PLCL1: variants seen among roughly 807,000 people sequenced by gnomAD.
PLCL1 encodes phospholipase C like 1 (inactive), also known as inactive phospholipase C-like protein 1.
In PLCL1, 41 loss-of-function variants were observed where a neutral mutation model predicts 84.4. The ratio of observed to expected loss-of-function variants is 0.49; its 90% CI spans 0.38 to 0.63. The LOEUF (loss-of-function observed/expected upper bound fraction) is 0.63. Among genes scored for constraint, PLCL1 ranks in the 30% least tolerant of loss-of-function variants. The pLI is 0.00. For synonymous variants in PLCL1, 490 were observed against 488.3 expected, an observed-to-expected ratio of 1.00 and a Z score of -0.05; for missense variants, 1,206 against 1,367.8, an observed-to-expected ratio of 0.88 and a Z score of 1.87.
chr2:197,953,461 A>G (rs1368276569), intron 1 of PLCL1, among the ~76,000 whole-genome samples: 4 of 152,042 alleles, frequency 2.6e-5, no homozygotes, highest in African/African-American at 4.8e-5. Context: ...ACCAAGAATC[A>G]CTAAATGATG....
intron 1 of PLCL1, among the ~76,000 whole-genome samples, chr2:198,031,826 A>C (rs1691433980): frequency 6.6e-6 from 1 of 152,014 alleles, no homozygotes; most frequent in African/African-American, 2.4e-5. Flanking sequence ...ATGACTTAAT[A>C]TTACTTGTTA....
chr2:197,978,022 A>G (rs1690023066), intron 1 of PLCL1, among the ~76,000 whole-genome samples: 1 of 152,188 alleles, frequency 6.6e-6, no homozygotes, highest in Non-Finnish European at 1.5e-5. Flanking sequence ...CCTCAGCAAG[A>G]AATTATAGTC....
intron 1 of PLCL1, among the ~76,000 whole-genome samples, chr2:197,884,273 T>A (rs1233135498): frequency 2.6e-5 from 4 of 152,150 alleles, no homozygotes; most frequent in African/African-American, 9.7e-5. Flanking sequence ...ATCCTCAAAG[T>A]GGATGTTGGA....
intron 1 of PLCL1, among the ~76,000 whole-genome samples, chr2:197,901,623 C>T (rs1348692550): frequency 6.6e-6 from 1 of 152,046 alleles, no homozygotes; most frequent in Non-Finnish European, 1.5e-5. Flanking sequence ...AGGATATTTC[C>T]AACTGAGAGA....
At chr2:197,836,887 T>A (rs1359457229) in intron 1 of PLCL1, among the ~76,000 whole-genome samples, 2 of 152,102 alleles carry the variant, frequency 1.3e-5, no homozygotes, top group Non-Finnish European at 1.5e-5. Flanking sequence ...TTTGTTGAGA[T>A]GGAAGTCTTG....
intron 1 of PLCL1, among the ~76,000 whole-genome samples, chr2:197,884,443 C>G (rs150720327): frequency 6.6e-6 from 1 of 152,124 alleles, no homozygotes; most frequent in African/African-American, 2.4e-5. Context: ...GCAATATAAC[C>G]TCACGTAGCA....
intron 1 of PLCL1, among the ~76,000 whole-genome samples, chr2:197,918,971 T>TCTCTCTCA (rs373512508): frequency 0.017 from 2,491 of 144,588 alleles, 61 homozygotes; most frequent in Non-Finnish European, 0.025. Flanking sequence ...TCTCTCTCCC[T>TCTCTCTCA]CACACACACA....
chr2:197,858,627 T>C (rs967944179), intron 1 of PLCL1, among the ~76,000 whole-genome samples: 1 of 152,192 alleles, frequency 6.6e-6, no homozygotes, highest in African/African-American at 2.4e-5. Context: ...AACCCTAGGG[T>C]CTGCCATGTT....
At chr2:197,845,992 G>A (rs981488739) in intron 1 of PLCL1, among the ~76,000 whole-genome samples, 1 of 152,124 alleles carries the variant, frequency 6.6e-6, no homozygotes, top group Non-Finnish European at 1.5e-5. Flanking sequence ...AGGGTCCACA[G>A]ACTAGGAAAT....
At chr2:198,074,667 C>A (rs564349767) in intron 1 of PLCL1, among the ~76,000 whole-genome samples, 80 of 152,200 alleles carry the variant, frequency 5.3e-4, no homozygotes, top group Non-Finnish European at 6.8e-4. Flanking sequence ...AACAAAAAAA[C>A]CCCTGAAAAG....
intron 1 of PLCL1, among the ~76,000 whole-genome samples, chr2:198,056,083 G>A (rs958583003): frequency 1.6e-4 from 25 of 152,174 alleles, no homozygotes; most frequent in African/African-American, 6.0e-4. Context: ...ACACTAAGAT[G>A]CCTGTGTTTC....
At chr2:198,076,661 C>A (rs1330492263) in intron 1 of PLCL1, among the ~76,000 whole-genome samples, 2 of 152,196 alleles carry the variant, frequency 1.3e-5, no homozygotes, top group Admixed American at 6.5e-5. Context: ...ATCACAGTGA[C>A]CCTGGGTAAG....
chr2:198,027,411 G>A (rs921300811), intron 1 of PLCL1, among the ~76,000 whole-genome samples: 17 of 152,044 alleles, frequency 1.1e-4, no homozygotes, highest in African/African-American at 3.6e-4. Flanking sequence ...GGAGGAAAAC[G>A]TTCAAGAGAC....
At chr2:198,049,169 G>C (rs530330367) in intron 1 of PLCL1, among the ~76,000 whole-genome samples, 1 of 152,272 alleles carries the variant, frequency 6.6e-6, no homozygotes, top group South Asian at 2.1e-4. Flanking sequence ...AGGTCTACCT[G>C]GTTTGGGAAT....
At chr2:197,988,758 C>A (rs569192318) in intron 1 of PLCL1, among the ~76,000 whole-genome samples, 2 of 152,170 alleles carry the variant, frequency 1.3e-5, no homozygotes, top group African/African-American at 2.4e-5. Context: ...ATTGCTGGAT[C>A]GGATGGTAGA....
At chr2:197,985,807 T>G (rs1268417165) in intron 1 of PLCL1, among the ~76,000 whole-genome samples, 1 of 152,192 alleles carries the variant, frequency 6.6e-6, no homozygotes, top group Non-Finnish European at 1.5e-5. Flanking sequence ...GTCAGGGGAT[T>G]GCTTAATTGA....
At chr2:197,860,064 C>G (rs1487540236) in intron 1 of PLCL1, among the ~76,000 whole-genome samples, 1 of 152,058 alleles carries the variant, frequency 6.6e-6, no homozygotes, top group Non-Finnish European at 1.5e-5. Flanking sequence ...ATCTGTTGTG[C>G]CCCTCTATGT....
chr2:198,049,274 T>C (rs1691873832), intron 1 of PLCL1, among the ~76,000 whole-genome samples: 3 of 152,234 alleles, frequency 2.0e-5, no homozygotes, highest in African/African-American at 7.2e-5. Flanking sequence ...TGCAACAGCA[T>C]AAATCCTCTC....
chr2:197,948,441 G>A (rs1170512117), intron 1 of PLCL1, among the ~76,000 whole-genome samples: 1 of 152,092 alleles, frequency 6.6e-6, no homozygotes, highest in African/African-American at 2.4e-5. Flanking sequence ...AGCTGGGATA[G>A]GATTATTTTT....
Sources: allele counts gnomAD v4.1 joint callset (sites outside exome capture counted in the v4.1 genomes callset), GRCh38; gene constraint gnomAD v4.1.1; transcripts MANE v1.5; gene names NCBI Gene and HGNC (gene_info 2026-07-23, HGNC 2026-07-21).